Variants in NTM observed in about 807,000 individuals in gnomAD.
The protein encoded by NTM is IgLON family member 2.
A neutral mutation model predicts 42.1 loss-of-function variants in NTM; 13 were observed. That is an observed-to-expected ratio of 0.31 (90% CI 0.20 to 0.49). The LOEUF is 0.49. NTM is among the 20% of genes least tolerant of loss of function. The pLI, the probability that NTM is intolerant of heterozygous loss-of-function variation, is 0.99. For missense variants in NTM, 373 were observed against 452.8 expected, an observed-to-expected ratio of 0.82 and a Z score of 1.60; for synonymous variants, 187 against 179.2, an observed-to-expected ratio of 1.04 and a Z score of -0.35.
At chr11:131,583,253 T>G (rs1295364539) in intron 1 of NTM, among the ~76,000 whole-genome samples, 1 of 152,058 alleles carries the variant, frequency 6.6e-6, no homozygotes, top group Non-Finnish European at 1.5e-5. Context: ...CACCTTGAAT[T>G]TTTCACTCAT....
intron 1 of NTM, among the ~76,000 whole-genome samples, chr11:131,765,038 A>ACCC (rs996400325): frequency 4.6e-5 from 7 of 151,968 alleles, no homozygotes; most frequent in African/African-American, 1.7e-4. Context: ...TGGTAGTGGA[A>ACCC]CCCAGCCGGC....
chr11:131,893,392 G>T (rs111421818), intron 1 of NTM, among the ~76,000 whole-genome samples: 142 of 152,200 alleles, frequency 9.3e-4, no homozygotes, highest in Admixed American at 4.8e-3. Context: ...CTAATGAGGG[G>T]GTGTTGTGTT....
Position 132,336,708 on chromosome 11 carries a change from C to T in NTM, c.*1562C>T, listed in dbSNP as rs1318433088. On this transcript the variant is annotated 3_prime_UTR_variant, in exon 9 of 9. Transcript: ENST00000683400. ...TCCCCTCCCCTGAAAGTCTGGGAAC[C>T]TGAGAGTCCTCGGGGAGGGGTCCTG... 1 of 151,302 alleles carries T rather than the reference C, an allele frequency of 6.6e-6. No homozygotes were observed. Among genetic ancestry groups the T allele is most frequent in the Non-Finnish European group, 1.5e-5 (1 of 67,852 alleles). 9.4% of individuals were successfully genotyped at this position (151,302 alleles called of 1,614,324 possible).
At chr11:132,182,722 G>A (rs1374793136) in intron 3 of NTM, among the ~76,000 whole-genome samples, 1 of 152,122 alleles carries the variant, frequency 6.6e-6, no homozygotes, top group Non-Finnish European at 1.5e-5. Context: ...AATCTGCTTC[G>A]AATCCTTGGA....
intron 1 of NTM, among the ~76,000 whole-genome samples, chr11:131,844,417 C>G (rs1325573619): frequency 6.6e-6 from 1 of 152,056 alleles, no homozygotes; most frequent in African/African-American, 2.4e-5. Flanking sequence ...AGGATGAGTC[C>G]CCCCATCCTA....
chr11:132,029,311 G>A (rs912342092), intron 2 of NTM, among the ~76,000 whole-genome samples: 1 of 151,548 alleles, frequency 6.6e-6, no homozygotes, highest in Non-Finnish European at 1.5e-5. Context: ...TTTAACATTA[G>A]TTATATCTCC....
chr11:131,690,273 A>G (rs368369346), intron 1 of NTM, among the ~76,000 whole-genome samples: 4 of 152,180 alleles, frequency 2.6e-5, no homozygotes, highest in African/African-American at 9.7e-5. Context: ...TATGAACAAA[A>G]CTGTCAGAAT....
chr11:131,491,894 CAAT>C (rs1295682651), intron 1 of NTM, among the ~76,000 whole-genome samples: 1 of 152,192 alleles, frequency 6.6e-6, no homozygotes, highest in African/African-American at 2.4e-5. Context: ...TATAATCCGA[CAAT>C]AATAACATAA....
At chr11:131,658,551 G>T (rs2067511274) in intron 1 of NTM, among the ~76,000 whole-genome samples, 1 of 152,212 alleles carries the variant, frequency 6.6e-6, no homozygotes, top group South Asian at 2.1e-4. Flanking sequence ...TGCAGACGAG[G>T]ACGGCATGCC....
intron 3 of NTM, among the ~76,000 whole-genome samples, chr11:132,198,831 T>A (rs2080715838): frequency 6.6e-6 from 1 of 152,212 alleles, no homozygotes; most frequent in Non-Finnish European, 1.5e-5. Context: ...TAAAATTTAT[T>A]CTGTGGGTGG....
intron 1 of NTM, among the ~76,000 whole-genome samples, chr11:131,789,631 G>A (rs1270554152): frequency 1.2e-5 from 1 of 84,666 alleles, no homozygotes; most frequent in Middle Eastern, 5.3e-3. Flanking sequence ...AGAAGAAGAA[G>A]AAGAAAAGAA....
In NTM at chr11:131,955,885, G is replaced by A. The variant is rs572784614; in HGVS notation, c.167+44237G>A. ...AAATGACCAGGGGGCACTCTGTGAT[G>A]TCCAAGATTCCTGGGGCAAAGCAGC... is the stretch of plus-strand genomic sequence containing the variant. On this transcript the variant is annotated intron_variant, in intron 2 of 8. Transcript: ENST00000683400. 2.1e-4 allele frequency among the ~76,000 whole-genome samples: 32 copies of A among 152,324 alleles called. 1 individual carries two copies. In the South Asian group the frequency reaches 6.2e-3, roughly 30 times the overall value.
intron 2 of NTM, among the ~76,000 whole-genome samples, chr11:131,946,106 T>G (rs936121054): frequency 3.4e-4 from 52 of 152,206 alleles, no homozygotes; most frequent in South Asian, 1.5e-3. Flanking sequence ...CCCGGAAATC[T>G]GGGTAAAGGG....
chr11:131,407,793 A>T (rs1945962226), intron 1 of NTM, among the ~76,000 whole-genome samples: 1 of 152,144 alleles, frequency 6.6e-6, no homozygotes, highest in Admixed American at 6.5e-5. Flanking sequence ...CAGGGAGAGG[A>T]GACGCTTCCT....
chr11:131,765,698 C>T (rs1047822192), intron 1 of NTM, among the ~76,000 whole-genome samples: 7 of 152,158 alleles, frequency 4.6e-5, no homozygotes, highest in Non-Finnish European at 1.5e-5. Context: ...GGCACCGGGC[C>T]CGGCTTCACA....
intron 1 of NTM, among the ~76,000 whole-genome samples, chr11:131,840,797 C>T (rs895616395): frequency 6.6e-5 from 10 of 152,122 alleles, no homozygotes; most frequent in Non-Finnish European, 1.5e-4. Flanking sequence ...ACTGGAGGAC[C>T]TGGAGCGGGA....
At chr11:131,617,125 G>T (rs948014430) in intron 1 of NTM, among the ~76,000 whole-genome samples, 1 of 152,104 alleles carries the variant, frequency 6.6e-6, no homozygotes, top group African/African-American at 2.4e-5. Context: ...CCCTAGGTGT[G>T]CTGCCGATGT....
At chr11:131,939,920 A>C (rs930869180) in intron 2 of NTM, among the ~76,000 whole-genome samples, 1 of 152,180 alleles carries the variant, frequency 6.6e-6, no homozygotes. Context: ...GTGTGAGGAT[A>C]ATAGAAAGTT....
At chr11:131,587,724 C>T (rs945730711) in intron 1 of NTM, among the ~76,000 whole-genome samples, 1 of 152,166 alleles carries the variant, frequency 6.6e-6, no homozygotes, top group Non-Finnish European at 1.5e-5. Context: ...CCACTGCACC[C>T]AGTCCAGGAC....
Sources: allele counts gnomAD v4.1 joint callset (sites outside exome capture counted in the v4.1 genomes callset), GRCh38; gene constraint gnomAD v4.1.1; transcripts MANE v1.5; gene names NCBI Gene and HGNC (gene_info 2026-07-23, HGNC 2026-07-21).